The following CA8 variants were observed in gnomAD, a reference collection of about 807,000 sequenced individuals.
The protein encoded by CA8 is carbonic anhydrase 8 (inactive).
In CA8, 22 loss-of-function variants were observed where a neutral mutation model predicts 41.4. The observed-to-expected ratio is 0.53, with a 90% confidence interval of 0.38 to 0.76. The LOEUF is 0.76. CA8 is among the 30% of genes least tolerant of loss of function. The pLI is 0.00. For missense variants in CA8, 270 were observed against 352.8 expected (o/e 0.77, Z 1.88); for synonymous variants, 121 against 130.6 (o/e 0.93, Z 0.50).
At chr8:60,198,646 T>C (rs892626736) in intron 8 of CA8, among the ~76,000 whole-genome samples, 1 of 152,178 alleles carries the variant, frequency 6.6e-6, no homozygotes, top group Non-Finnish European at 1.5e-5. Flanking sequence ...GCACATATTA[T>C]ACATTTTTCA....
intron 2 of CA8, among the ~76,000 whole-genome samples, chr8:60,269,239 T>A (rs1803993291): frequency 6.6e-6 from 1 of 152,074 alleles, no homozygotes; most frequent in African/African-American, 2.4e-5. Flanking sequence ...GCTTACATTT[T>A]TTTAAATAAA....
At chr8:60,243,320 G>A (rs1035751112) in intron 3 of CA8, among the ~76,000 whole-genome samples, 1 of 151,048 alleles carries the variant, frequency 6.6e-6, no homozygotes, top group African/African-American at 2.4e-5. Flanking sequence ...GCTCCTTTCT[G>A]CCACAGCACT....
chr8:60,233,599 A>C (rs1260994323), intron 3 of CA8, among the ~76,000 whole-genome samples: 2 of 152,240 alleles, frequency 1.3e-5, no homozygotes, highest in Non-Finnish European at 2.9e-5. Flanking sequence ...TCTCAATAAT[A>C]AAAGACAATT....
chr8:60,215,456 T>C (rs1374509738), intron 7 of CA8, among the ~76,000 whole-genome samples: 2 of 150,958 alleles, frequency 1.3e-5, no homozygotes, highest in Non-Finnish European at 3.0e-5. Flanking sequence ...ACAAGTTGGG[T>C]TCAGTGTATA....
intron 3 of CA8, among the ~76,000 whole-genome samples, chr8:60,241,520 T>A (rs778762262): frequency 7.2e-5 from 11 of 152,208 alleles, no homozygotes; most frequent in Non-Finnish European, 1.0e-4. Context: ...TCCTGCCTTC[T>A]TAGGAACAGG....
At chr8:60,217,781 C>G (rs1187326329) in intron 7 of CA8, among the ~76,000 whole-genome samples, 3 of 152,166 alleles carry the variant, frequency 2.0e-5, no homozygotes, top group Non-Finnish European at 4.4e-5. Flanking sequence ...GTCTTTCCTT[C>G]CCAAAATCCT....
At chr8:60,217,151 T>C (rs1016344230) in intron 7 of CA8, among the ~76,000 whole-genome samples, 2 of 152,180 alleles carry the variant, frequency 1.3e-5, no homozygotes, top group African/African-American at 4.8e-5. Context: ...CCTGAAGTGC[T>C]TGGATTACAG....
At chr8:60,274,290 C>T (rs1407988739) in intron 2 of CA8, among the ~76,000 whole-genome samples, 2 of 152,000 alleles carry the variant, frequency 1.3e-5, no homozygotes, top group Non-Finnish European at 2.9e-5. Flanking sequence ...GCACAACTTG[C>T]CAGAGCAACA....
chr8:60,246,499 T>C (rs985290517), intron 3 of CA8, among the ~76,000 whole-genome samples: 1 of 152,124 alleles, frequency 6.6e-6, no homozygotes, highest in Non-Finnish European at 1.5e-5. Context: ...GGTTTCGCCA[T>C]GTTGCTCAGG....
At chr8:60,220,994 G>A (rs1807225484) in intron 7 of CA8, among the ~76,000 whole-genome samples, 1 of 152,172 alleles carries the variant, frequency 6.6e-6, no homozygotes, top group African/African-American at 2.4e-5. Flanking sequence ...AGCCTTCACT[G>A]CGAATCAGAA....
intron 8 of CA8, among the ~76,000 whole-genome samples, chr8:60,201,397 T>C (rs1267768268): frequency 6.6e-6 from 1 of 152,152 alleles, no homozygotes; most frequent in Non-Finnish European, 1.5e-5. Context: ...CAACATTAAG[T>C]GGACTCCAAC....
intron 8 of CA8, among the ~76,000 whole-genome samples, chr8:60,197,196 C>T (rs1050179120): frequency 6.6e-6 from 1 of 152,070 alleles, no homozygotes; most frequent in African/African-American, 2.4e-5. Context: ...TTATTGATGA[C>T]AGCTCATCAA....
intron 8 of CA8, among the ~76,000 whole-genome samples, chr8:60,195,379 TA>T (rs1419775983): frequency 1.3e-5 from 2 of 152,218 alleles, no homozygotes; most frequent in Non-Finnish European, 2.9e-5. Flanking sequence ...ACCAAAAATT[TA>T]AAAATCACAT....
At chr8:60,268,138 T>C (rs1480237895) in intron 2 of CA8, among the ~76,000 whole-genome samples, 1 of 152,176 alleles carries the variant, frequency 6.6e-6, no homozygotes, top group Non-Finnish European at 1.5e-5. Context: ...GTGAGCTCTA[T>C]AACTCCACTT....
chr8:60,235,042 C>T (rs1395512314), intron 3 of CA8, among the ~76,000 whole-genome samples: 3 of 152,244 alleles, frequency 2.0e-5, no homozygotes, highest in Admixed American at 2.0e-4. Context: ...TGCACCTGCG[C>T]TGCCTCTCAA....
At chr8:60,234,406 T>C (rs968677044) in intron 3 of CA8, among the ~76,000 whole-genome samples, 2 of 152,200 alleles carry the variant, frequency 1.3e-5, no homozygotes, top group Non-Finnish European at 2.9e-5. Flanking sequence ...AAATGTGGAT[T>C]AGTAACATAT....
chr8:60,240,688 T>G (rs1194194187), intron 3 of CA8, among the ~76,000 whole-genome samples: 4 of 151,532 alleles, frequency 2.6e-5, no homozygotes, highest in Admixed American at 6.6e-5. Flanking sequence ...GAACAGATCT[T>G]TATTTCTGTG....
At chr8:60,195,636 A>G (rs1193595070) in intron 8 of CA8, among the ~76,000 whole-genome samples, 1 of 152,180 alleles carries the variant, frequency 6.6e-6, no homozygotes, top group Non-Finnish European at 1.5e-5. Context: ...CAGTTTGTAC[A>G]TGCTGCTCTG....
In CA8 at chr8:60,281,117, C is replaced by T. The variant is rs1393483372; in HGVS notation, c.31G>A (p.Val11Ile). The part of the protein sequence containing the change: MADLSFIEDT[V>I]AFPEKEEDEE... The stretch of plus-strand genomic sequence containing the variant: ...TCCTCTTCCTTCTCGGGGAAGGCGA[C>T]GGTATCTTCGATGAAGCTCAGGTCC... The change falls in exon 1 of 9, where the codon GTC (valine) becomes ATC (isoleucine). Residue 11 changes from valine (V) to isoleucine (I), a missense_variant. This residue lies in a region of CA8 where 123 missense variants were observed against 136.8 expected (regional missense o/e 0.90). Transcript: ENST00000317995. The T allele has an allele frequency of 2.5e-6, 4 of 1,594,104 alleles. No individual in the cohort carries two copies. The highest frequency in any genetic ancestry group is 2.7e-5 in the African/African-American group (2 of 74,396).
Sources: allele counts gnomAD v4.1 joint callset (sites outside exome capture counted in the v4.1 genomes callset), GRCh38; gene constraint gnomAD v4.1.1; regional missense constraint gnomAD v4.1.1; transcripts MANE v1.5; gene names NCBI Gene and HGNC (gene_info 2026-07-23, HGNC 2026-07-21).